Variants in AFF2 observed in about 807,000 individuals in gnomAD.
AFF2 encodes the protein AF4/FMR2 family member 2.
A neutral mutation model predicts 76.9 loss-of-function variants in AFF2; 14 were observed. That is an observed-to-expected ratio of 0.18 (90% CI 0.12 to 0.28). The LOEUF is 0.28. AFF2 is among the 10% of genes least tolerant of loss of function. The pLI is 1.00. For missense variants in AFF2, 868 were observed against 1,001.1 expected, an observed-to-expected ratio of 0.87 and a Z score of 1.79; for synonymous variants, 398 against 366.7, an observed-to-expected ratio of 1.09 and a Z score of -0.98.
At chrX:148,680,515 G>A (rs144901688) in intron 3 of AFF2, among the ~76,000 whole-genome samples, 59 of 110,578 alleles carry the variant, frequency 5.3e-4, no homozygotes, top group African/African-American at 1.8e-3. Context: ...GCGTGGTTTC[G>A]GTAGGTAACA....
At chrX:148,723,897 TTTTTTTCTTTTTTTC>T (rs1488051248) in intron 3 of AFF2, among the ~76,000 whole-genome samples, 6 of 108,241 alleles carry the variant, frequency 5.5e-5, no homozygotes, top group African/African-American at 2.0e-4. Context: ...TGAAAACCTT[TTTTTTTCTTTTTTTC>T]TTTTTTCTTT....
intron 1 of AFF2, among the ~76,000 whole-genome samples, chrX:148,547,844 T>C (rs929656294): frequency 9.0e-6 from 1 of 111,541 alleles, no homozygotes; most frequent in African/African-American, 3.3e-5. Context: ...AAAAAGTCCT[T>C]CCTAGGAGAC....
At chrX:148,932,445 T>A (rs1603342520) in intron 9 of AFF2, among the ~76,000 whole-genome samples, 1 of 111,961 alleles carries the variant, frequency 8.9e-6, no homozygotes, top group East Asian at 2.8e-4. Flanking sequence ...GACCTAGATA[T>A]GACTGCTAGC....
At chrX:148,521,414 A>ACACACACT (rs782717428) in intron 1 of AFF2, among the ~76,000 whole-genome samples, 2 of 103,104 alleles carry the variant, frequency 1.9e-5, no homozygotes, top group African/African-American at 3.6e-5. Context: ...ACACACACTC[A>ACACACACT]CTGAGACTTT....
At chrX:148,750,076 T>C in intron 3 of AFF2, among the ~76,000 whole-genome samples, 1 of 110,282 alleles carries the variant, frequency 9.1e-6, no homozygotes, top group Middle Eastern at 4.6e-3. Context: ...CAAGTGATTC[T>C]CCTGCCTCAG....
intron 7 of AFF2, among the ~76,000 whole-genome samples, chrX:148,861,479 TA>T (rs1557276407): frequency 9.0e-6 from 1 of 111,695 alleles, no homozygotes; most frequent in Admixed American, 9.5e-5. Flanking sequence ...AACAGCGGGT[TA>T]AAAAAAACTA....
At chrX:148,942,936 CTAA>C (rs2071857911) in intron 9 of AFF2, among the ~76,000 whole-genome samples, 1 of 111,577 alleles carries the variant, frequency 9.0e-6, no homozygotes, top group Non-Finnish European at 1.9e-5. Flanking sequence ...GTTTCAAAGC[CTAA>C]TTACTAGGCC....
At chrX:148,584,782 G>A (rs920472408) in intron 1 of AFF2, among the ~76,000 whole-genome samples, 6 of 109,940 alleles carry the variant, frequency 5.5e-5, no homozygotes, top group Non-Finnish European at 9.5e-5. Context: ...CTCGTGATCC[G>A]CCCGCCTCGG....
chrX:148,855,860 AAGTGCTTATCAC>A (rs1400908576), intron 7 of AFF2, among the ~76,000 whole-genome samples: 1 of 112,191 alleles, frequency 8.9e-6, no homozygotes, highest in Non-Finnish European at 1.9e-5. Context: ...TAAATGATTG[AAGTGCTTATCAC>A]AGTGCCTGGT....
intron 19 of AFF2, among the ~76,000 whole-genome samples, chrX:148,985,559 T>C (rs917018286): frequency 9.1e-6 from 1 of 110,119 alleles, no homozygotes; most frequent in Non-Finnish European, 1.9e-5. Flanking sequence ...TAAATTGACA[T>C]TTAAGAGTTA....
At chrX:148,732,838 G>T (rs1569554510) in intron 3 of AFF2, among the ~76,000 whole-genome samples, 1 of 110,761 alleles carries the variant, frequency 9.0e-6, no homozygotes, top group Non-Finnish European at 1.9e-5. Flanking sequence ...TGAGCAAAAG[G>T]CCCATAATTG....
chrX:148,670,524 C>A (rs56023716), intron 3 of AFF2, among the ~76,000 whole-genome samples: 93 of 111,374 alleles, frequency 8.4e-4, no homozygotes, highest in Non-Finnish European at 1.4e-3. Flanking sequence ...TCTGCAGCTG[C>A]GGGTATGTGG....
chrX:148,568,339 T>TA (rs2053191743), intron 1 of AFF2, among the ~76,000 whole-genome samples: 2 of 111,974 alleles, frequency 1.8e-5, no homozygotes, highest in South Asian at 7.3e-4. Flanking sequence ...TCTACTTCCA[T>TA]AAAATCTTTA....
At position 148,982,800 on chromosome X, in the gene AFF2, A is replaced by G. The variant is rs184208041; in HGVS notation, c.3623+2010A>G. On this transcript the variant is annotated intron_variant, in intron 19 of 20. Coordinates refer to ENST00000370460, the MANE Select transcript of AFF2 (RefSeq NM_002025.4). ...CAGAAAAATCTGCTGAGTTTACAGC[A>G]GGGGCCAGGAAACTTTTTATTTAAA... 1.0e-2 allele frequency among the ~76,000 whole-genome samples: 1,115 copies of G among 112,053 alleles called. 15 individuals are homozygous for G. Among genetic ancestry groups the G allele is most frequent in the African/African-American group, 0.032 (999 of 30,851 alleles).
At position 148,923,746 on chromosome X, in the gene AFF2, A is replaced by G. The variant is rs1400972858; in HGVS notation, c.1397+19488A>G. On this transcript the variant is annotated intron_variant, in intron 9 of 20. Transcript: ENST00000370460. ...TGTAGGATGTATATAGTCTTTGCCT[A>G]GAAGAGTTTTATTCTCTGTGAGGGA... is the stretch of plus-strand genomic sequence containing the variant. Among the ~76,000 whole-genome samples, 4 of 112,045 alleles carry G rather than the reference A, an allele frequency of 3.6e-5. No homozygotes were observed. In the East Asian group the frequency reaches 8.4e-4, roughly 23 times the overall value.
intron 8 of AFF2, among the ~76,000 whole-genome samples, chrX:148,891,896 A>G (rs782675572): frequency 1.1e-4 from 12 of 112,145 alleles, no homozygotes; most frequent in African/African-American, 3.9e-4. Context: ...TATGAATTAG[A>G]TTGAAATATT....
intron 10 of AFF2, among the ~76,000 whole-genome samples, chrX:148,954,703 C>A (rs1196512013): frequency 1.8e-5 from 2 of 112,119 alleles, no homozygotes; most frequent in Non-Finnish European, 3.8e-5. Context: ...CCATGTGTAT[C>A]CAGAGCTGAT....
At chrX:148,533,168 C>T (rs1302095276) in intron 1 of AFF2, among the ~76,000 whole-genome samples, 2 of 111,910 alleles carry the variant, frequency 1.8e-5, no homozygotes, top group Non-Finnish European at 3.8e-5. Flanking sequence ...GAAAGGAAAA[C>T]AAATCTTTCC....
intron 7 of AFF2, among the ~76,000 whole-genome samples, chrX:148,852,164 G>A (rs782386684): frequency 1.4e-4 from 16 of 111,111 alleles, no homozygotes; most frequent in Non-Finnish European, 3.0e-4. Context: ...CTTTGGTATT[G>A]TGAATAGTGC....
Sources: allele counts gnomAD v4.1 joint callset (sites outside exome capture counted in the v4.1 genomes callset), GRCh38; gene constraint gnomAD v4.1.1; transcripts MANE v1.5; gene names NCBI Gene and HGNC (gene_info 2026-07-23, HGNC 2026-07-21).